MAST4: variants seen among roughly 807,000 people sequenced by gnomAD.
MAST4 encodes microtubule associated serine/threonine kinase family member 4, also known as microtubule-associated serine/threonine-protein kinase 4.
MAST4 carries 89 observed loss-of-function variants against 162.7 expected under a neutral mutation model. The ratio of observed to expected loss-of-function variants is 0.55; its 90% CI spans 0.46 to 0.65. The LOEUF is 0.65. Ranked by LOEUF, MAST4 falls within the 30% of genes least tolerant of loss-of-function variation. MAST4 has a pLI of 0.00. For synonymous variants in MAST4, 1,479 were observed against 1,361.1 expected (o/e 1.09, Z -1.91); for missense variants, 3,153 against 3,374.0 (o/e 0.93, Z 1.62).
chr5:66,758,057 G>GT (rs78524500), intron 1 of MAST4, among the ~76,000 whole-genome samples: 2,864 of 143,144 alleles, frequency 0.02, 44 homozygotes, highest in South Asian at 0.053. Context: ...GAAAGGGTGT[G>GT]TTTTTTTTTT....
At position 67,129,293 on chromosome 5, in the gene MAST4, G is replaced by A. The variant is rs143938201; in HGVS notation, c.1746-917G>A. Among the ~76,000 whole-genome samples the A allele has an allele frequency of 1.7e-3, 262 of 152,256 alleles. 1 individual carries two copies. Among genetic ancestry groups the A allele is most frequent in the African/African-American group, 6.0e-3 (251 of 41,536 alleles). Reference sequence around the variant, plus strand: ...CTACCCTTTGTTGCAGGACAGCCCCGTATAATGTGTTAAACACATACTTCT... The same window carrying A: ...CTACCCTTTGTTGCAGGACAGCCCCATATAATGTGTTAAACACATACTTCT... On this transcript the variant is annotated intron_variant, in intron 14 of 28. Coordinates refer to ENST00000403625, the MANE Select transcript of MAST4 (RefSeq NM_001164664.2).
At chr5:67,080,179 A>G (rs1762435520) in intron 5 of MAST4, among the ~76,000 whole-genome samples, 1 of 152,230 alleles carries the variant, frequency 6.6e-6, no homozygotes, top group Non-Finnish European at 1.5e-5. Flanking sequence ...AGCCCCGGGT[A>G]TCATTTGTCT....
At chr5:67,039,026 T>G (rs1333177474) in intron 4 of MAST4, among the ~76,000 whole-genome samples, 1 of 152,212 alleles carries the variant, frequency 6.6e-6, no homozygotes, top group Non-Finnish European at 1.5e-5. Context: ...AAATATGTTA[T>G]GACCACAAAG....
Position 67,163,913 on chromosome 5 carries a change from G to C in MAST4, c.4734G>C (p.Pro1578=). The C allele has an allele frequency of 6.2e-7, 1 of 1,613,998 alleles. No homozygotes were observed. Among genetic ancestry groups the C allele is most frequent in the Non-Finnish European group, 8.5e-7 (1 of 1,179,874 alleles). ...AAGAGAGAGAGAAGAAAGTCTATCCGAAGGCTGTGGAAAGGTCAAGTACTT... is the reference window on the plus strand; with the variant it reads ...AAGAGAGAGAGAAGAAAGTCTATCCCAAGGCTGTGGAAAGGTCAAGTACTT... ...KLEEREKKVY[P]KAVERSSTFE... The change falls in exon 29 of 29, where the codon CCG becomes CCC. Residue 1578 remains proline (P), a synonymous_variant. Coordinates refer to ENST00000403625, the MANE Select transcript of MAST4 (RefSeq NM_001164664.2). This position sits in a 1 kb window ranked among gnomAD's most constrained non-coding sequence, Gnocchi z 7.0.
intron 1 of MAST4, among the ~76,000 whole-genome samples, chr5:66,617,560 A>G (rs1247322111): frequency 6.6e-6 from 1 of 152,184 alleles, no homozygotes; most frequent in East Asian, 1.9e-4. Flanking sequence ...AAGATTATGT[A>G]GAGCGTAATT....
In MAST4 at chr5:67,164,646, C is replaced by A; in HGVS notation, c.5467C>A (p.Pro1823Thr). 8.7e-6 allele frequency: 14 copies of A among 1,614,018 alleles called. No homozygotes were observed. Among genetic ancestry groups the A allele is most frequent in the Non-Finnish European group, 1.2e-5 (14 of 1,179,906 alleles). ...PQASKTELPS[P>T]ESAQSPSPSG... ...GGCCTCCAAGACAGAACTGCCTTCCCCAGAGTCTGCACAGAGCCCCAGCCC... is the reference window on the plus strand; with the variant it reads ...GGCCTCCAAGACAGAACTGCCTTCCACAGAGTCTGCACAGAGCCCCAGCCC... The change falls in exon 29 of 29, where the codon CCA becomes ACA. Residue 1823 changes from proline to threonine, a missense_variant. This residue lies in a region of MAST4 where 1,644 missense variants were observed against 1,495.0 expected (regional missense o/e 1.10). Coordinates refer to ENST00000403625, the MANE Select transcript of MAST4 (RefSeq NM_001164664.2). The surrounding 1 kb of genome is among the most constrained non-coding windows in gnomAD (Gnocchi z 5.3).
At chr5:66,741,295 T>G (rs1351798141) in intron 1 of MAST4, among the ~76,000 whole-genome samples, 1 of 152,186 alleles carries the variant, frequency 6.6e-6, no homozygotes, top group Non-Finnish European at 1.5e-5. Context: ...CAGACCTTAT[T>G]ACCACCTGAA....
At chr5:66,862,006 C>T (rs1267816405) in intron 3 of MAST4, among the ~76,000 whole-genome samples, 2 of 152,106 alleles carry the variant, frequency 1.3e-5, no homozygotes, top group Non-Finnish European at 2.9e-5. Context: ...CTATCCTACC[C>T]CAATCCGCAA....
chr5:67,082,209 C>T (rs1156347990), intron 5 of MAST4, among the ~76,000 whole-genome samples: 2 of 139,960 alleles, frequency 1.4e-5, no homozygotes, highest in Admixed American at 7.7e-5. Context: ...AGTGCAGTGG[C>T]GCGATCTCAG....
At chr5:67,159,400 G>T (rs566200231) in intron 26 of MAST4, among the ~76,000 whole-genome samples, 108 of 152,130 alleles carry the variant, frequency 7.1e-4, no homozygotes, top group African/African-American at 2.3e-3. Flanking sequence ...CCCAAATCAA[G>T]GGGGAAGGTA....
chr5:66,755,001 G>A (rs1229367093), intron 1 of MAST4, among the ~76,000 whole-genome samples: 2 of 152,196 alleles, frequency 1.3e-5, no homozygotes, highest in Admixed American at 1.3e-4. Flanking sequence ...ATCGAGTGGA[G>A]TGGCAGGAGC....
intron 19 of MAST4, among the ~76,000 whole-genome samples, chr5:67,140,437 T>C (rs1439127662): frequency 6.6e-6 from 1 of 152,230 alleles, no homozygotes; most frequent in East Asian, 1.9e-4. Context: ...CCAGAGGTGC[T>C]ATAGAACAGC....
intron 4 of MAST4, among the ~76,000 whole-genome samples, chr5:67,048,605 A>C (rs1757667776): frequency 6.6e-6 from 1 of 152,180 alleles, no homozygotes; most frequent in Non-Finnish European, 1.5e-5. Context: ...CAAAATTAGT[A>C]TCTTATAGGA....
At chr5:66,979,589 C>T (rs922618324) in intron 4 of MAST4, among the ~76,000 whole-genome samples, 5 of 152,264 alleles carry the variant, frequency 3.3e-5, no homozygotes, top group African/African-American at 9.6e-5. Flanking sequence ...GGCAGGGACA[C>T]ATTTGTTTTT....
At chr5:67,098,326 G>T (rs1764671951) in intron 7 of MAST4, among the ~76,000 whole-genome samples, 1 of 152,116 alleles carries the variant, frequency 6.6e-6, no homozygotes, top group Non-Finnish European at 1.5e-5. Context: ...ATTCAGTATT[G>T]TGGTTTCTTG....
At chr5:66,779,151 T>C (rs1754735687) in intron 2 of MAST4, among the ~76,000 whole-genome samples, 1 of 152,250 alleles carries the variant, frequency 6.6e-6, no homozygotes, top group South Asian at 2.1e-4. Context: ...TCTGGTGGAT[T>C]TAAGTCTTGT....
At chr5:66,730,755 G>GTT (rs1309444962) in intron 1 of MAST4, among the ~76,000 whole-genome samples, 1 of 118,066 alleles carries the variant, frequency 8.5e-6, no homozygotes, top group African/African-American at 2.8e-5. Context: ...CCTACTCTGT[G>GTT]TGTGTGTGTG....
chr5:67,055,412 T>C (rs915219361), intron 5 of MAST4, among the ~76,000 whole-genome samples: 2 of 152,190 alleles, frequency 1.3e-5, no homozygotes, highest in Non-Finnish European at 2.9e-5. Flanking sequence ...TTGATACTCA[T>C]GTGTTCTCAG....
intron 4 of MAST4, among the ~76,000 whole-genome samples, chr5:66,984,912 G>A (rs1434163977): frequency 1.3e-5 from 2 of 152,134 alleles, no homozygotes; most frequent in African/African-American, 4.8e-5. Context: ...TAAAAGTTTT[G>A]TTTTGTTTGT....
Sources: allele counts gnomAD v4.1 joint callset (sites outside exome capture counted in the v4.1 genomes callset), GRCh38; gene constraint gnomAD v4.1.1; regional missense constraint gnomAD v4.1.1; non-coding constraint Gnocchi (gnomAD v3.1); transcripts MANE v1.5; gene names NCBI Gene and HGNC (gene_info 2026-07-23, HGNC 2026-07-21).